GALNT17: variants seen among roughly 807,000 people sequenced by gnomAD.
GALNT17 encodes the protein UDP-GalNAc:polypeptide N-acetylgalactosaminyltransferase-like 3.
GALNT17 carries 29 observed loss-of-function variants against 63.7 expected under a neutral mutation model. The observed-to-expected ratio is 0.46, with a 90% CI of 0.34 to 0.62. The LOEUF is 0.62. Ranked by LOEUF, GALNT17 falls within the 20% of genes least tolerant of loss-of-function variation. The pLI is 0.01. For synonymous variants in GALNT17, 305 were observed against 318.3 expected, an observed-to-expected ratio of 0.96 and a Z score of 0.45; for missense variants, 603 against 799.6, an observed-to-expected ratio of 0.75 and a Z score of 2.97.
intron 9 of GALNT17, among the ~76,000 whole-genome samples, 192 bp downstream of exon 9, chr7:71,677,498 G>C (rs545541749): frequency 1.2e-4 from 19 of 152,016 alleles, no homozygotes; most frequent in African/African-American, 4.6e-4. Context: ...ATTCATAAGT[G>C]GTTGTTGCAG....
At chr7:71,711,888 T>G (rs938725919) in intron 10 of GALNT17, 130 bp from the exon 11 acceptor site, 25 of 1,013,600 alleles carry the variant, frequency 2.5e-5, no homozygotes, top group Non-Finnish European at 3.6e-5. Flanking sequence ...GTCTCTCTCT[T>G]TCTCTTCTCT....
chr7:71,293,318 C>T (rs1422982792), intron 1 of GALNT17, among the ~76,000 whole-genome samples: 2 of 152,138 alleles, frequency 1.3e-5, no homozygotes, highest in Non-Finnish European at 2.9e-5. Flanking sequence ...TACAGTTCCC[C>T]CTGCAGTGTA....
chr7:71,624,088 G>A (rs1449168600), intron 6 of GALNT17, among the ~76,000 whole-genome samples: 12 of 152,108 alleles, frequency 7.9e-5, no homozygotes, highest in African/African-American at 1.4e-4. Context: ...CGATGTCGGC[G>A]GCTGTCCCAC....
At chr7:71,330,520 C>T (rs1472788690) in intron 1 of GALNT17, among the ~76,000 whole-genome samples, 2 of 152,194 alleles carry the variant, frequency 1.3e-5, no homozygotes, top group Non-Finnish European at 2.9e-5. Context: ...TCCTCAGCCT[C>T]TCAAGGAGCT....
At chr7:71,253,373 C>T (rs1790234731) in intron 1 of GALNT17, among the ~76,000 whole-genome samples, 1 of 152,148 alleles carries the variant, frequency 6.6e-6, no homozygotes, top group Non-Finnish European at 1.5e-5. Context: ...TATTCACTAC[C>T]ATGAGAACAG....
At chr7:71,706,869 A>G (rs1791727933) in intron 9 of GALNT17, among the ~76,000 whole-genome samples, 1 of 152,150 alleles carries the variant, frequency 6.6e-6, no homozygotes, top group Non-Finnish European at 1.5e-5. Context: ...GAGCAGAGCT[A>G]CTTATTTCAT....
intron 2 of GALNT17, among the ~76,000 whole-genome samples, chr7:71,371,011 A>G (rs1324909599): frequency 6.6e-6 from 1 of 152,212 alleles, no homozygotes; most frequent in African/African-American, 2.4e-5. Flanking sequence ...AAGAATGAAT[A>G]ATGTGAGGTC....
At chr7:71,513,040 C>T (rs936239736) in intron 5 of GALNT17, among the ~76,000 whole-genome samples, 1 of 152,106 alleles carries the variant, frequency 6.6e-6, no homozygotes, top group Non-Finnish European at 1.5e-5. Flanking sequence ...CACAAACAGC[C>T]TTTTCTGTGT....
At chr7:71,181,112 G>A (rs1465639975) in intron 1 of GALNT17, among the ~76,000 whole-genome samples, 3 of 151,906 alleles carry the variant, frequency 2.0e-5, no homozygotes, top group Admixed American at 1.3e-4. Context: ...AAAATTAACC[G>A]AGTGTGGTGG....
At chr7:71,691,868 T>TTCTG (rs1791448267) in intron 9 of GALNT17, among the ~76,000 whole-genome samples, 1 of 139,386 alleles carries the variant, frequency 7.2e-6, no homozygotes, top group Non-Finnish European at 1.6e-5. Flanking sequence ...CTTTCTTTCT[T>TTCTG]TCCTTTCTTT....
At chr7:71,571,212 C>G in intron 5 of GALNT17, 73 bp from the exon 6 acceptor site, 3 of 1,314,454 alleles carry the variant, frequency 2.3e-6, no homozygotes, top group Non-Finnish European at 3.3e-6. Flanking sequence ...CCAGTACATA[C>G]TAGGACGGTG....
At chr7:71,616,306 A>T (rs887358125) in intron 6 of GALNT17, among the ~76,000 whole-genome samples, 12 of 151,882 alleles carry the variant, frequency 7.9e-5, no homozygotes, top group African/African-American at 2.9e-4. Flanking sequence ...CCTCTCAGAG[A>T]CTTGATTGCT....
intron 6 of GALNT17, among the ~76,000 whole-genome samples, chr7:71,576,556 T>TGTGTGTGC (rs1789540602): frequency 6.6e-6 from 1 of 151,694 alleles, no homozygotes; most frequent in Admixed American, 6.6e-5. Context: ...TGTGTGTGTG[T>TGTGTGTGC]GTGTGTGTGT....
chr7:71,308,640 A>G (rs1428294962), intron 1 of GALNT17, among the ~76,000 whole-genome samples: 3 of 152,126 alleles, frequency 2.0e-5, no homozygotes, highest in African/African-American at 7.2e-5. Context: ...GCACGAGATA[A>G]ATAAACATGG....
intron 1 of GALNT17, among the ~76,000 whole-genome samples, chr7:71,237,173 C>A (rs535821919): frequency 2.0e-4 from 30 of 152,218 alleles, no homozygotes; most frequent in African/African-American, 4.1e-4. Flanking sequence ...CTTTAAATTG[C>A]CTTTGAAAAA....
intron 5 of GALNT17, among the ~76,000 whole-genome samples, chr7:71,541,350 C>A (rs1788888432): frequency 2.6e-5 from 4 of 151,822 alleles, no homozygotes; most frequent in Admixed American, 1.3e-4. Context: ...GTCAGGGGTT[C>A]AAGATCAGAC....
intron 5 of GALNT17, among the ~76,000 whole-genome samples, chr7:71,472,336 G>A (rs36109349): frequency 0.15 from 22,616 of 152,178 alleles, 2,272 homozygotes; most frequent in East Asian, 0.55. Context: ...AATGGTTATT[G>A]TGGAAGATGT....
At chr7:71,361,908 C>T (rs569972111) in intron 2 of GALNT17, among the ~76,000 whole-genome samples, 1 of 152,140 alleles carries the variant, frequency 6.6e-6, no homozygotes, top group East Asian at 1.9e-4. Flanking sequence ...GGGCTAGGTG[C>T]TGTTCATGGC....
chr7:71,162,123 C>CCTTCCTTCCTTCCTTCCCT (rs1788357249), intron 1 of GALNT17, among the ~76,000 whole-genome samples: 1 of 53,780 alleles, frequency 1.9e-5, no homozygotes, highest in African/African-American at 1.2e-4. Flanking sequence ...CTCCCTCCCT[C>CCTTCCTTCCTTCCTTCCCT]CCTTCCTTCC....
Sources: gnomAD v4.1 joint callset for allele counts (sites outside exome capture counted in the v4.1 genomes callset) on GRCh38, gnomAD v4.1.1 for gene constraint, MANE v1.5 for transcripts, NCBI Gene and HGNC (gene_info 2026-07-23, HGNC 2026-07-21) for gene names.